Variants in SEMA3D observed in about 807,000 individuals in gnomAD.
SEMA3D encodes semaphorin 3D.
A neutral mutation model predicts 100.1 loss-of-function variants in SEMA3D; 84 were observed. The observed-to-expected ratio is 0.84, with a 90% CI of 0.70 to 1.01. The LOEUF is 1.01. SEMA3D is among the 50% of genes least tolerant of loss of function. The probability of loss-of-function intolerance (pLI) is 0.00; values close to 1 mark genes in which losing one functional copy is unlikely to be tolerated. For synonymous variants in SEMA3D, 312 were observed against 320.7 expected (o/e 0.97, Z 0.29); for missense variants, 875 against 934.1 (o/e 0.94, Z 0.82).
At chr7:85,226,172 T>C in the SEMA3D span, among the ~76,000 whole-genome samples, 1 of 152,172 alleles carries the variant, frequency 6.6e-6, no homozygotes, top group East Asian at 1.9e-4. Flanking sequence ...CTCTCTCCAC[T>C]GTAAATAGTC....
At chr7:85,216,665 T>A in the SEMA3D span, among the ~76,000 whole-genome samples, 5 of 152,072 alleles carry the variant, frequency 3.3e-5, no homozygotes, top group East Asian at 7.7e-4. Flanking sequence ...GTGTTATCAG[T>A]GCTAATAATG....
At chr7:85,104,809 A>G (rs568940333) in intron 3 of SEMA3D, among the ~76,000 whole-genome samples, 4 of 152,094 alleles carry the variant, frequency 2.6e-5, no homozygotes, top group Admixed American at 6.6e-5. Context: ...GAAAAGAAAA[A>G]AAATGCTTCC....
At chr7:85,123,982 T>G (rs1233999738) in intron 2 of SEMA3D, among the ~76,000 whole-genome samples, 1 of 152,052 alleles carries the variant, frequency 6.6e-6, no homozygotes, top group Non-Finnish European at 1.5e-5. Flanking sequence ...CAGCCCTTTA[T>G]GAAAATTTTA....
the SEMA3D span, among the ~76,000 whole-genome samples, chr7:85,227,367 A>T: frequency 1.3e-5 from 2 of 152,126 alleles, no homozygotes; most frequent in Non-Finnish European, 2.9e-5. Flanking sequence ...ATGAGGGCAG[A>T]TTGCTCATGA....
chr7:85,136,866 C>G (rs1789880284), intron 2 of SEMA3D, among the ~76,000 whole-genome samples: 1 of 152,000 alleles, frequency 6.6e-6, no homozygotes, highest in African/African-American at 2.4e-5. Flanking sequence ...GGAAAGTGCT[C>G]TGAGTTAAGG....
the SEMA3D span, among the ~76,000 whole-genome samples, chr7:85,232,632 TGTC>T: frequency 6.6e-6 from 1 of 152,200 alleles, no homozygotes; most frequent in African/African-American, 2.4e-5. Flanking sequence ...TCTCTTTTAT[TGTC>T]GTATCATTTT....
At chr7:85,056,890 C>CATATATAT (rs10525654) in intron 8 of SEMA3D, among the ~76,000 whole-genome samples, 9,039 of 138,324 alleles carry the variant, frequency 0.065, 344 homozygotes, top group East Asian at 0.12. Flanking sequence ...ACATATACAG[C>CATATATAT]ATATATATAT....
intron 9 of SEMA3D, among the ~76,000 whole-genome samples, chr7:85,053,787 A>C (rs1791233222): frequency 1.3e-5 from 2 of 152,080 alleles, no homozygotes; most frequent in Admixed American, 1.3e-4. Context: ...GTGGAGATAC[A>C]CTAATTAATG....
intron 18 of SEMA3D, among the ~76,000 whole-genome samples, chr7:85,003,830 A>C (rs953482150): frequency 6.6e-6 from 1 of 152,086 alleles, no homozygotes; most frequent in African/African-American, 2.4e-5. Context: ...TAAACTGATA[A>C]AGATTTTCTT....
In SEMA3D at chr7:84,999,344, C is replaced by T; in HGVS notation, c.*96G>A. ...ATTGTCTTGTGCCTTAGCAAAACTCCATGGGAAGCATTTATGAATTACTAT... is the reference window on the plus strand; with the variant it reads ...ATTGTCTTGTGCCTTAGCAAAACTCTATGGGAAGCATTTATGAATTACTAT... On this transcript the variant is annotated 3_prime_UTR_variant, in exon 19 of 19. Transcript: ENST00000284136. 1 of 976,474 alleles carries T rather than the reference C, an allele frequency of 1.0e-6. No homozygotes were observed. Among genetic ancestry groups the T allele is most frequent in the East Asian group, 2.5e-5 (1 of 40,162 alleles). 60.5% of individuals were successfully genotyped at this position (976,474 alleles called of 1,614,324 possible). A position where few individuals can be genotyped will look rare whatever the true frequency, so the allele number is the denominator to read the frequency against.
chr7:85,167,382 A>G, intron 1 of SEMA3D: 1 of 984,360 alleles, frequency 1.0e-6, no homozygotes, highest in Non-Finnish European at 1.2e-6. Context: ...AGTAATGAGA[A>G]AGCTAGAAGG....
At chr7:85,168,844 A>T (rs148436284) in intron 1 of SEMA3D, among the ~76,000 whole-genome samples, 1 of 74,020 alleles carries the variant, frequency 1.4e-5, no homozygotes, top group African/African-American at 4.9e-5. Flanking sequence ...AAAGAAAGAA[A>T]GAAAGAAAGA....
Position 85,121,921 on chromosome 7 carries a change from G to T in SEMA3D, c.-30C>A. The T allele has an allele frequency of 2.8e-6, 4 of 1,429,228 alleles. No homozygotes were observed. The highest frequency in any genetic ancestry group is 2.9e-6 in the Non-Finnish European group (3 of 1,051,692). 88.5% of individuals were successfully genotyped at this position (1,429,228 alleles called of 1,614,324 possible). A position where few individuals can be genotyped will look rare whatever the true frequency, so the allele number is the denominator to read the frequency against. On this transcript the variant is annotated 5_prime_UTR_variant, in exon 3 of 19. Coordinates refer to ENST00000284136, the MANE Select transcript of SEMA3D (RefSeq NM_001384900.1). ...AAAACAATGTTCTCTTTCAAATGGT[G>T]TTAATTTAATCTAAAAAAGAGTAAA...
chr7:85,034,298 TA>T (rs1466588498), intron 12 of SEMA3D, among the ~76,000 whole-genome samples: 6 of 151,874 alleles, frequency 4.0e-5, no homozygotes, highest in African/African-American at 1.4e-4. Context: ...GAATAAAAAA[TA>T]GTTAAAAAAG....
intron 5 of SEMA3D, among the ~76,000 whole-genome samples, chr7:85,076,528 C>T (rs950549933): frequency 6.6e-6 from 1 of 151,974 alleles, no homozygotes; most frequent in East Asian, 1.9e-4. Context: ...ATTCTCAAGA[C>T]ATATGTAGGG....
intron 3 of SEMA3D, among the ~76,000 whole-genome samples, chr7:85,099,955 A>C (rs1468542638): frequency 3.3e-5 from 5 of 151,960 alleles, no homozygotes; most frequent in African/African-American, 4.8e-5. Context: ...ATCTTTTGCA[A>C]ATATTATCTC....
At chr7:85,231,851 C>G in the SEMA3D span, among the ~76,000 whole-genome samples, 1 of 151,990 alleles carries the variant, frequency 6.6e-6, no homozygotes, top group Non-Finnish European at 1.5e-5. Flanking sequence ...TAGAGGCATT[C>G]ACATTGGCTA....
At chr7:85,203,912 T>C in the SEMA3D span, among the ~76,000 whole-genome samples, 1 of 152,104 alleles carries the variant, frequency 6.6e-6, no homozygotes, top group African/African-American at 2.4e-5. Context: ...GTGGGAGATA[T>C]TGGAATAAAA....
chr7:85,164,501 T>C (rs937338459), intron 1 of SEMA3D, among the ~76,000 whole-genome samples: 3 of 152,106 alleles, frequency 2.0e-5, no homozygotes, highest in Non-Finnish European at 4.4e-5. Context: ...TAAGTTCTCA[T>C]AGTCTGAGCA....
Sources: allele counts gnomAD v4.1 joint callset (sites outside exome capture counted in the v4.1 genomes callset), GRCh38; gene constraint gnomAD v4.1.1; transcripts MANE v1.5; gene names NCBI Gene and HGNC (gene_info 2026-07-23, HGNC 2026-07-21).